LHFPL3: variants seen among roughly 807,000 people sequenced by gnomAD.
LHFPL3 encodes the protein LHFPL tetraspan subfamily member 3 protein.
In LHFPL3, 5 loss-of-function variants were observed where a neutral mutation model predicts 19.3. The ratio of observed to expected loss-of-function variants is 0.26; its 90% CI spans 0.14 to 0.54. LHFPL3 has a LOEUF of 0.54. Ranked by LOEUF, LHFPL3 falls within the 20% of genes least tolerant of loss-of-function variation. The probability of loss-of-function intolerance (pLI) is 0.94; values close to 1 mark genes in which losing one functional copy is unlikely to be tolerated. For synonymous variants in LHFPL3, 133 were observed against 126.2 expected, an observed-to-expected ratio of 1.05 and a Z score of -0.36; for missense variants, 249 against 307.4, an observed-to-expected ratio of 0.81 and a Z score of 1.42.
intron 1 of LHFPL3, among the ~76,000 whole-genome samples, chr7:104,366,777 TC>T (rs1380987879): frequency 6.6e-6 from 1 of 152,204 alleles, no homozygotes; most frequent in Non-Finnish European, 1.5e-5. Flanking sequence ...AAAGAGTGAT[TC>T]CTAGGGATTC....
chr7:104,668,806 T>C, intron 1 of LHFPL3: 1 of 1,601,184 alleles, frequency 6.2e-7, no homozygotes. Flanking sequence ...CCCAGTCCAC[T>C]CGAGCTGCTT....
chr7:104,479,437 G>A (rs111850995), intron 1 of LHFPL3, among the ~76,000 whole-genome samples: 118 of 150,562 alleles, frequency 7.8e-4, no homozygotes, highest in African/African-American at 2.7e-3. Flanking sequence ...TGTCACCCAC[G>A]TTGGAGTGCA....
At chr7:104,668,421 C>G in intron 1 of LHFPL3, 1 of 1,605,026 alleles carries the variant, frequency 6.2e-7, no homozygotes, top group Non-Finnish European at 8.5e-7. Flanking sequence ...AGACAAGTAT[C>G]GAGATCGTTA....
At chr7:104,774,904 T>G (rs1255738222) in intron 2 of LHFPL3, among the ~76,000 whole-genome samples, 1 of 152,174 alleles carries the variant, frequency 6.6e-6, no homozygotes, top group African/African-American at 2.4e-5. Flanking sequence ...GACTGTAAAA[T>G]TTCCACTTCT....
At chr7:104,439,267 G>A (rs187898247) in intron 1 of LHFPL3, among the ~76,000 whole-genome samples, 2 of 152,096 alleles carry the variant, frequency 1.3e-5, no homozygotes, top group Non-Finnish European at 2.9e-5. Flanking sequence ...TTAGAAAACA[G>A]AGGATGAAGA....
intron 1 of LHFPL3, among the ~76,000 whole-genome samples, chr7:104,446,831 G>A (rs1279292738): frequency 6.6e-6 from 1 of 152,146 alleles, no homozygotes; most frequent in Non-Finnish European, 1.5e-5. Flanking sequence ...ACAGGCTTGA[G>A]CCACAACACC....
chr7:104,618,308 C>T (rs1247791070), intron 1 of LHFPL3, among the ~76,000 whole-genome samples: 1 of 152,116 alleles, frequency 6.6e-6, no homozygotes, highest in African/African-American at 2.4e-5. Flanking sequence ...AATCAGCCAC[C>T]TTACACACTG....
At chr7:104,335,055 C>T (rs2116352262) in intron 1 of LHFPL3, among the ~76,000 whole-genome samples, 1 of 152,268 alleles carries the variant, frequency 6.6e-6, no homozygotes, top group Admixed American at 6.5e-5. Flanking sequence ...AGGCCAAGCC[C>T]TCTCTGACAG....
At chr7:104,636,959 A>C (rs1466684282) in intron 1 of LHFPL3, among the ~76,000 whole-genome samples, 1 of 152,232 alleles carries the variant, frequency 6.6e-6, no homozygotes, top group Admixed American at 6.5e-5. Flanking sequence ...AAGAATTGCC[A>C]CACTGCTTTC....
At chr7:104,803,760 A>C (rs1186563237) in intron 2 of LHFPL3, among the ~76,000 whole-genome samples, 1 of 152,168 alleles carries the variant, frequency 6.6e-6, no homozygotes, top group African/African-American at 2.4e-5. Context: ...ATAAGGGCAA[A>C]ATATATATTT....
chr7:104,762,296 A>G (rs1794384247), intron 2 of LHFPL3, among the ~76,000 whole-genome samples: 1 of 152,240 alleles, frequency 6.6e-6, no homozygotes, highest in African/African-American at 2.4e-5. Context: ...CATCTGGACA[A>G]TAATGTGACA....
intron 1 of LHFPL3, among the ~76,000 whole-genome samples, chr7:104,568,439 G>A (rs1790164371): frequency 6.6e-6 from 1 of 152,146 alleles, no homozygotes; most frequent in Non-Finnish European, 1.5e-5. Context: ...CAGAAGAGAT[G>A]GGAAATTCTT....
chr7:104,533,101 A>G (rs1172395997), intron 1 of LHFPL3, among the ~76,000 whole-genome samples: 1 of 152,194 alleles, frequency 6.6e-6, no homozygotes, highest in East Asian at 1.9e-4. Flanking sequence ...TTTATTGATT[A>G]GCATCAGCTA....
At chr7:104,343,546 A>G (rs2116371845) in intron 1 of LHFPL3, among the ~76,000 whole-genome samples, 1 of 134,030 alleles carries the variant, frequency 7.5e-6, no homozygotes, top group East Asian at 2.3e-4. Flanking sequence ...AAAAAAAAAA[A>G]AAAAAGCCAA....
intron 1 of LHFPL3, among the ~76,000 whole-genome samples, chr7:104,429,941 T>C (rs2116553390): frequency 1.3e-5 from 2 of 152,252 alleles, no homozygotes; most frequent in African/African-American, 4.8e-5. Flanking sequence ...TGGACTCTTC[T>C]TGAAAGACAA....
intron 1 of LHFPL3, among the ~76,000 whole-genome samples, chr7:104,657,500 A>G (rs1013328244): frequency 2.6e-5 from 4 of 152,248 alleles, no homozygotes; most frequent in African/African-American, 4.8e-5. Flanking sequence ...AATAGCTGCC[A>G]TTTCTTTAAT....
chr7:104,819,220 T>C (rs562005969), intron 2 of LHFPL3, among the ~76,000 whole-genome samples: 71 of 152,312 alleles, frequency 4.7e-4, no homozygotes, highest in Non-Finnish European at 7.1e-4. Flanking sequence ...GCATTTCTAA[T>C]AATAATTCTA....
chr7:104,876,271 T>C (rs917270630), intron 2 of LHFPL3, among the ~76,000 whole-genome samples: 2 of 152,018 alleles, frequency 1.3e-5, no homozygotes, highest in East Asian at 1.9e-4. Flanking sequence ...AAAGCCAAAA[T>C]TGACAAATGG....
chr7:104,703,199 CGAACT>C (rs1793133255), intron 1 of LHFPL3, among the ~76,000 whole-genome samples: 1 of 152,018 alleles, frequency 6.6e-6, no homozygotes, highest in Non-Finnish European at 1.5e-5. Context: ...TTTTTATCAC[CGAACT>C]GATGTTTTTA....
Sources: allele counts gnomAD v4.1 joint callset (sites outside exome capture counted in the v4.1 genomes callset), GRCh38; gene constraint gnomAD v4.1.1; transcripts MANE v1.5; gene names NCBI Gene and HGNC (gene_info 2026-07-23, HGNC 2026-07-21).